The following ADAM21 variants were observed in gnomAD, a reference collection of about 807,000 sequenced individuals.
ADAM21 encodes the protein disintegrin and metalloproteinase domain-containing protein 21.
For synonymous variants in ADAM21, 262 were observed against 306.0 expected (o/e 0.86, Z 1.50); for missense variants, 678 against 874.4 (o/e 0.78, Z 2.83).
Position 70,459,361 on chromosome 14 carries a change from A to G in ADAM21, c.1862A>G (p.His621Arg). The G allele has an allele frequency of 6.2e-7, 1 of 1,614,238 alleles. No homozygotes were observed. Among genetic ancestry groups the G allele is most frequent in the African/African-American group, 1.3e-5 (1 of 75,060 alleles). Reference sequence around the variant, plus strand: ...TGTGGCCCAGGAAAGATCTGCATCCATAAGAAGTGTGTCAGTCTGTCTGTC... The same window carrying G: ...TGTGGCCCAGGAAAGATCTGCATCCGTAAGAAGTGTGTCAGTCTGTCTGTC... ...TVCGPGKICI[H>R]KKCVSLSVLS... Residue 621 changes from histidine to arginine, a missense_variant, in exon 2 of 2, where the codon CAT (histidine) becomes CGT (arginine). Coordinates refer to ENST00000603540, the MANE Select transcript of ADAM21 (RefSeq NM_003813.4).
chr14:70,459,072 G>C lies in ADAM21; in HGVS notation c.1573G>C (p.Ala525Pro), dbSNP rs764955279. ...REIFGKDAKS[A>P]SQNCYKEINS... ...GATTTTTGGTAAAGATGCAAAAAGT[G>C]CATCTCAGAATTGCTATAAAGAAAT... Residue 525 changes from alanine (A) to proline (P), a missense_variant, in exon 2 of 2, where the codon GCA becomes CCA. By Grantham distance (27) the Ala-to-Pro change is conservative. Transcript: ENST00000603540. 4.3e-6 allele frequency: 7 copies of C among 1,613,516 alleles called. No individual in the cohort carries two copies. The highest frequency in any genetic ancestry group is 5.9e-6 in the Non-Finnish European group (7 of 1,179,896).
In ADAM21 at chr14:70,457,517, C is replaced by T; in HGVS notation, c.18C>T (p.Thr6=). The change falls in exon 2 of 2, where the codon ACC becomes ACT. Residue 6 remains threonine, a synonymous_variant. Coordinates refer to ENST00000603540, the MANE Select transcript of ADAM21 (RefSeq NM_003813.4). Reference sequence around the variant, plus strand: ...GCTTCATAATGGCAGTGGATGGGACCCTCGTGTACATCAGAGTCACTCTTC... The same window carrying T: ...GCTTCATAATGGCAGTGGATGGGACTCTCGTGTACATCAGAGTCACTCTTC... MAVDG[T]LVYIRVTLLL... The T allele has an allele frequency of 6.3e-7, 1 of 1,588,454 alleles. No homozygotes were observed. Among genetic ancestry groups the T allele is most frequent in the East Asian group, 2.2e-5 (1 of 44,710 alleles).
chr14:70,458,858 A>G lies in ADAM21; in HGVS notation c.1359A>G (p.Lys453=), dbSNP rs753075214. The change falls in exon 2 of 2, where the codon AAA becomes AAG. Residue 453 remains lysine (K), a synonymous_variant. Coordinates refer to ENST00000603540, the MANE Select transcript of ADAM21 (RefSeq NM_003813.4). The stretch of plus-strand genomic sequence containing the variant: ...CCTGTGCTTTTGGGCTTTGTTGCAA[A>G]GACTGCAAGTTCATGCCATCAGGGG... ...GAACAFGLCC[K]DCKFMPSGEL... 6.2e-7 allele frequency: 1 copy of G among 1,614,176 alleles called. No homozygotes were observed. Among genetic ancestry groups the G allele is most frequent in the South Asian group, 1.1e-5 (1 of 91,070 alleles).
In ADAM21 at chr14:70,457,724, T is replaced by A. The variant is rs200420118; in HGVS notation, c.225T>A (p.His75Gln). The A allele has an allele frequency of 1.2e-6, 2 of 1,613,810 alleles. No individual in the cohort carries two copies. Among genetic ancestry groups the A allele is most frequent in the East Asian group, 4.5e-5 (2 of 44,850 alleles). ...LRFGGQKHVV[H>Q]MRVKKLLVSR... ...TTGGGGGCCAGAAACACGTTGTTCA[T>A]ATGAGGGTCAAGAAGCTCTTAGTTT... Residue 75 changes from histidine to glutamine, a missense_variant, in exon 2 of 2, where the codon CAT becomes CAA. By Grantham distance (24) the His-to-Gln change is conservative. Coordinates refer to ENST00000603540, the MANE Select transcript of ADAM21 (RefSeq NM_003813.4).
chr14:70,453,035 C>CGT (rs10676561), intron 1 of ADAM21, among the ~76,000 whole-genome samples: 95,003 of 148,530 alleles, frequency 0.64, 30,358 homozygotes, highest in Non-Finnish European at 0.68. Context: ...TTGAATTTGG[C>CGT]GTGTGTGTGT....
At chr14:70,455,471 T>G (rs1360675961) in intron 1 of ADAM21, among the ~76,000 whole-genome samples, 2 of 152,126 alleles carry the variant, frequency 1.3e-5, no homozygotes, top group Non-Finnish European at 2.9e-5. Context: ...AGAAAATAAG[T>G]ATGAAAATGA....
At position 70,457,674 on chromosome 14, in the gene ADAM21, G is replaced by T. The variant is rs776152272; in HGVS notation, c.175G>T (p.Gly59Ter). The T allele has an allele frequency of 9.9e-6, 16 of 1,613,922 alleles. No homozygotes were observed. The highest frequency in any genetic ancestry group is 1.2e-5 in the Non-Finnish European group (14 of 1,179,944). Residue 59 changes from glycine (G) to a stop codon, truncating the protein, a stop_gained, in exon 2 of 2, where the codon GGA becomes TGA. Coordinates refer to ENST00000603540, the MANE Select transcript of ADAM21 (RefSeq NM_003813.4). LOFTEE classifies it low-confidence loss of function (END_TRUNC). ...CAGGGGCAGAAGTGCAAAGGCTCCT[G>T]GATGGCTCTCCTATAGTCTGCGGTT... is the stretch of plus-strand genomic sequence containing the variant. ...ISRGRSAKAP[G>*]WLSYSLRFGG...
Position 70,458,009 on chromosome 14 carries a change from T to C in ADAM21, c.510T>C (p.Ala170=). The C allele has an allele frequency of 6.2e-7, 1 of 1,613,724 alleles. No homozygotes were observed. The highest frequency in any genetic ancestry group is 1.1e-5 in the South Asian group (1 of 91,066). ...KINSNETQFP[A]MRCGLTEKEV... ...ACAGTAATGAGACACAATTCCCAGC[T>C]ATGAGATGTGGCTTAACAGAGAAGG... Residue 170 remains alanine, a synonymous_variant, in exon 2 of 2, where the codon GCT becomes GCC. Transcript: ENST00000603540.
At chr14:70,456,740 G>A (rs1594982439) in intron 1 of ADAM21, among the ~76,000 whole-genome samples, 4 of 152,042 alleles carry the variant, frequency 2.6e-5, no homozygotes, top group Admixed American at 2.0e-4. Flanking sequence ...TCCCTCCTCC[G>A]TTTTTCCATT....
In ADAM21 at chr14:70,458,111, G is replaced by C. The variant is rs1429801645; in HGVS notation, c.612G>C (p.Trp204Cys). 2.5e-6 allele frequency: 4 copies of C among 1,613,944 alleles called. No homozygotes were observed. Among genetic ancestry groups the C allele is most frequent in the Non-Finnish European group, 3.4e-6 (4 of 1,180,032 alleles). ...ALEPKSAGDW[W>C]THAWFLELVV... Reference sequence around the variant, plus strand: ...AACCAAAATCTGCTGGTGACTGGTGGACTCATGCATGGTTTCTGGAGCTAG... The same window carrying C: ...AACCAAAATCTGCTGGTGACTGGTGCACTCATGCATGGTTTCTGGAGCTAG... The change falls in exon 2 of 2, where the codon TGG becomes TGC. Residue 204 changes from tryptophan to cysteine, a missense_variant. Coordinates refer to ENST00000603540, the MANE Select transcript of ADAM21 (RefSeq NM_003813.4).
In ADAM21 at chr14:70,458,642, T is replaced by C; in HGVS notation, c.1143T>C (p.Ala381=). ...AGAAATTCACCAATTGCAGTTACGC[T>C]GATTTTATGAAGACCACCTTAAACC... ...PAEKFTNCSY[A]DFMKTTLNQG... Residue 381 remains alanine, a synonymous_variant, in exon 2 of 2, where the codon GCT becomes GCC. Coordinates refer to ENST00000603540, the MANE Select transcript of ADAM21 (RefSeq NM_003813.4). 6.2e-7 allele frequency: 1 copy of C among 1,613,894 alleles called. No homozygotes were observed.
At chr14:70,454,701 AGAT>A (rs772493761) in intron 1 of ADAM21, among the ~76,000 whole-genome samples, 5 of 152,156 alleles carry the variant, frequency 3.3e-5, no homozygotes, top group African/African-American at 4.8e-5. Flanking sequence ...ATTACACTGA[AGAT>A]GAATTGAAGA....
chr14:70,454,674 A>G (rs1889081832), intron 1 of ADAM21, among the ~76,000 whole-genome samples: 2 of 152,190 alleles, frequency 1.3e-5, no homozygotes, highest in Non-Finnish European at 2.9e-5. Context: ...CATTATGACT[A>G]TGAGTGGGTG....
At position 70,459,146 on chromosome 14, in the gene ADAM21, A is replaced by C. The variant is rs45466397; in HGVS notation, c.1647A>C (p.Thr549=). The part of the protein sequence containing the change: ...RFGHCGINGT[T]YLKCHISDVF... ...GTCACTGTGGTATAAATGGCACAAC[A>C]TACCTAAAATGTCATATCTCTGATG... The change falls in exon 2 of 2, where the codon ACA becomes ACC. Residue 549 remains threonine, a synonymous_variant. Transcript: ENST00000603540. 64,891 of 1,610,868 alleles carry C rather than the reference A, an allele frequency of 0.04. 1,426 individuals are homozygous for C. Among genetic ancestry groups the C allele is most frequent in the Middle Eastern group, 0.055 (334 of 6,054 alleles).
At position 70,458,725 on chromosome 14, in the gene ADAM21, G is replaced by A; in HGVS notation, c.1226G>A (p.Cys409Tyr). 1 of 1,614,146 alleles carries A rather than the reference G, an allele frequency of 6.2e-7. No individual in the cohort carries two copies. Among genetic ancestry groups the A allele is most frequent in the Non-Finnish European group, 8.5e-7 (1 of 1,180,018 alleles). The part of the protein sequence containing the change: ...RLGEIFMLKR[C>Y]GNGVVEREEQ... ...GGGGAAATCTTTATGCTAAAGCGCT[G>A]TGGGAATGGTGTGGTTGAAAGAGAA... The change falls in exon 2 of 2, where the codon TGT becomes TAT. Residue 409 changes from cysteine to tyrosine, a missense_variant. By Grantham distance (194) the Cys-to-Tyr change is radical (BLOSUM62 -2). Transcript: ENST00000603540.
chr14:70,457,714 A>G lies in ADAM21; in HGVS notation c.215A>G (p.His72Arg), dbSNP rs1452910495. ...AGTCTGCGGTTTGGGGGCCAGAAAC[A>G]CGTTGTTCATATGAGGGTCAAGAAG... ...SYSLRFGGQK[H>R]VVHMRVKKLL... Residue 72 changes from histidine (H) to arginine (R), a missense_variant, in exon 2 of 2, where the codon CAC becomes CGC. His to Arg is a conservative substitution (Grantham distance 29). Transcript: ENST00000603540. 1 of 1,613,686 alleles carries G rather than the reference A, an allele frequency of 6.2e-7. No individual in the cohort carries two copies. Among genetic ancestry groups the G allele is most frequent in the African/African-American group, 1.3e-5 (1 of 74,858 alleles).
At position 70,459,776 on chromosome 14, in the gene ADAM21, A is replaced by G; in HGVS notation, c.*108A>G. The G allele has an allele frequency of 7.5e-7, 1 of 1,341,698 alleles. No individual in the cohort carries two copies. Among genetic ancestry groups the G allele is most frequent in the Non-Finnish European group, 1.0e-6 (1 of 983,372 alleles). 83.1% of individuals were successfully genotyped at this position (1,341,698 alleles called of 1,614,324 possible). A position where few individuals can be genotyped will look rare whatever the true frequency, so the allele number is the denominator to read the frequency against. On this transcript the variant is annotated 3_prime_UTR_variant, in exon 2 of 2. Transcript: ENST00000603540. ...GAGCACATTTCTGACCATTTCCAGA[A>G]AGCTGCAAAGATCTTCCCTTACATT...
Position 70,459,193 on chromosome 14 carries a change from G to A in ADAM21, c.1694G>A (p.Cys565Tyr). ...ISDVFCGRVQ[C>Y]ENVRDIPLLQ... ...GATGTCTTTTGTGGGAGAGTTCAATGTGAGAATGTGAGAGACATTCCTCTT... is the reference window on the plus strand; with the variant it reads ...GATGTCTTTTGTGGGAGAGTTCAATATGAGAATGTGAGAGACATTCCTCTT... The change falls in exon 2 of 2, where the codon TGT becomes TAT. Residue 565 changes from cysteine (C) to tyrosine (Y), a missense_variant. Transcript: ENST00000603540. 1 of 1,613,970 alleles carries A rather than the reference G, an allele frequency of 6.2e-7. No individual in the cohort carries two copies. Among genetic ancestry groups the A allele is most frequent in the Non-Finnish European group, 8.5e-7 (1 of 1,179,980 alleles).
chr14:70,454,440 G>C (rs1262593595), intron 1 of ADAM21, among the ~76,000 whole-genome samples: 1 of 152,102 alleles, frequency 6.6e-6, no homozygotes, highest in Non-Finnish European at 1.5e-5. Flanking sequence ...TAGAGTCAAA[G>C]ATTTTGGCAT....
Sources: gnomAD v4.1 joint callset for allele counts (sites outside exome capture counted in the v4.1 genomes callset) on GRCh38, gnomAD v4.1.1 for gene constraint, MANE v1.5 for transcripts, NCBI Gene and HGNC (gene_info 2026-07-23, HGNC 2026-07-21) for gene names.